The following SLC35F1 variants were observed in gnomAD, a reference collection of about 807,000 sequenced individuals.
The protein encoded by SLC35F1 is chromosome 6 open reading frame 169.
SLC35F1 carries 14 observed loss-of-function variants against 48.7 expected under a neutral mutation model. The observed-to-expected ratio is 0.29, with a 90% CI of 0.19 to 0.45. The LOEUF is 0.45. SLC35F1 is among the 20% of genes least tolerant of loss of function. The probability of loss-of-function intolerance (pLI) is 1.00; values close to 1 mark genes in which losing one functional copy is unlikely to be tolerated. For synonymous variants in SLC35F1, 190 were observed against 202.2 expected, an observed-to-expected ratio of 0.94 and a Z score of 0.51; for missense variants, 404 against 500.0, an observed-to-expected ratio of 0.81 and a Z score of 1.83.
chr6:118,242,588 T>G (rs1775454945), intron 3 of SLC35F1, among the ~76,000 whole-genome samples: 1 of 152,220 alleles, frequency 6.6e-6, no homozygotes, highest in African/African-American at 2.4e-5. Flanking sequence ...GAATAGATTG[T>G]GCTGTGACTT....
At chr6:117,913,865 A>C (rs1273572015) in intron 1 of SLC35F1, among the ~76,000 whole-genome samples, 3 of 152,178 alleles carry the variant, frequency 2.0e-5, no homozygotes, top group Non-Finnish European at 4.4e-5. Context: ...AACCTGGCCA[A>C]CATGGCGAAA....
intron 2 of SLC35F1, among the ~76,000 whole-genome samples, chr6:118,206,711 T>C (rs1774939730): frequency 6.6e-6 from 1 of 152,138 alleles, no homozygotes. Flanking sequence ...AGGTGGGACA[T>C]TGCCACCTTT....
intron 2 of SLC35F1, among the ~76,000 whole-genome samples, chr6:118,155,675 G>A (rs1774129805): frequency 6.6e-6 from 1 of 152,114 alleles, no homozygotes; most frequent in African/African-American, 2.4e-5. Flanking sequence ...GTTAGCACAA[G>A]GTGTAAGCAC....
intron 2 of SLC35F1, among the ~76,000 whole-genome samples, chr6:118,205,899 C>T (rs1461977980): frequency 6.6e-6 from 1 of 152,132 alleles, no homozygotes; most frequent in East Asian, 1.9e-4. Flanking sequence ...GACCAATATC[C>T]TGTGATTCCA....
chr6:117,957,976 G>C lies in SLC35F1; in HGVS notation c.173+50077G>C, dbSNP rs551141630. On this transcript the variant is annotated intron_variant, in intron 1 of 7. Transcript: ENST00000360388. ...TCCTTCAGGAGGTGTTCCGAAAGAA[G>C]GCATTGTTATCATAGGAGATGACAG... Among the ~76,000 whole-genome samples the C allele has an allele frequency of 6.6e-5, 10 of 152,270 alleles. No individual in the cohort carries two copies. The East Asian group carries it at 1.9e-3, about 29-fold the overall frequency.
At chr6:118,304,889 A>C (rs1257069969) in intron 7 of SLC35F1, among the ~76,000 whole-genome samples, 1 of 150,978 alleles carries the variant, frequency 6.6e-6, no homozygotes, top group Non-Finnish European at 1.5e-5. Context: ...TCTAGAGCTC[A>C]TATCATGAAA....
intron 1 of SLC35F1, among the ~76,000 whole-genome samples, chr6:118,024,670 G>C (rs957856378): frequency 1.3e-5 from 2 of 151,910 alleles, no homozygotes; most frequent in Non-Finnish European, 2.9e-5. Flanking sequence ...TTTCCTTTTT[G>C]TGAACCCAAA....
chr6:118,042,830 A>T (rs1240310941), intron 1 of SLC35F1, among the ~76,000 whole-genome samples: 2 of 152,162 alleles, frequency 1.3e-5, no homozygotes, highest in Admixed American at 1.3e-4. Context: ...TTGAATGTGG[A>T]ACATATGGGA....
intron 1 of SLC35F1, among the ~76,000 whole-genome samples, chr6:117,957,030 G>A (rs980186280): frequency 7.9e-5 from 12 of 152,166 alleles, no homozygotes; most frequent in African/African-American, 2.9e-4. Flanking sequence ...GGCCCTGGGA[G>A]GGTGCTTTTT....
chr6:118,192,951 A>G (rs983425193), intron 2 of SLC35F1, among the ~76,000 whole-genome samples: 1 of 152,190 alleles, frequency 6.6e-6, no homozygotes, highest in Non-Finnish European at 1.5e-5. Flanking sequence ...AGGTTGCCAT[A>G]AGTCATTCAT....
At chr6:118,142,834 T>C (rs1045265009) in intron 1 of SLC35F1, among the ~76,000 whole-genome samples, 2 of 152,186 alleles carry the variant, frequency 1.3e-5, no homozygotes, top group Admixed American at 1.3e-4. Flanking sequence ...AGTCATCTTT[T>C]GATGCAAAGA....
At chr6:118,126,165 G>A (rs1040462847) in intron 1 of SLC35F1, among the ~76,000 whole-genome samples, 18 of 152,248 alleles carry the variant, frequency 1.2e-4, no homozygotes, top group African/African-American at 4.3e-4. Flanking sequence ...GACTTTCCTG[G>A]ACCTAGTGTC....
chr6:117,920,088 C>T (rs1291288164), intron 1 of SLC35F1, among the ~76,000 whole-genome samples: 1 of 152,200 alleles, frequency 6.6e-6, no homozygotes, highest in Non-Finnish European at 1.5e-5. Flanking sequence ...GCCGGGTTCC[C>T]GGGGCTGGCT....
In SLC35F1 at chr6:118,251,625, T is replaced by A. The variant is rs528301820; in HGVS notation, c.478-15370T>A. 1.4e-4 allele frequency among the ~76,000 whole-genome samples: 21 copies of A among 152,258 alleles called. No homozygotes were observed. The South Asian group carries it at 4.4e-3, about 32-fold the overall frequency. ...TGATGAGATTTGTAATTTAGCAAGA[T>A]CCCTTGCATGATCTGATCTTTTTTC... On this transcript the variant is annotated intron_variant, in intron 3 of 7. Coordinates refer to ENST00000360388, the MANE Select transcript of SLC35F1 (RefSeq NM_001029858.4).
intron 1 of SLC35F1, among the ~76,000 whole-genome samples, chr6:118,016,043 C>T (rs1777316430): frequency 6.6e-6 from 1 of 152,206 alleles, no homozygotes; most frequent in Admixed American, 6.5e-5. Flanking sequence ...CAAACTCTAT[C>T]AAATTTGAAT....
chr6:118,212,019 G>A (rs535244338), intron 2 of SLC35F1, among the ~76,000 whole-genome samples: 10 of 152,162 alleles, frequency 6.6e-5, no homozygotes, highest in African/African-American at 2.4e-4. Flanking sequence ...TTTAGCTACA[G>A]TATTCTTATT....
chr6:118,105,588 A>AT (rs1183572645), intron 1 of SLC35F1, among the ~76,000 whole-genome samples: 1 of 152,158 alleles, frequency 6.6e-6, no homozygotes, highest in African/African-American at 2.4e-5. Context: ...TTGCCCAGGC[A>AT]TTTTTTAATA....
chr6:118,288,727 A>T (rs1303622570), intron 7 of SLC35F1, among the ~76,000 whole-genome samples: 1 of 152,148 alleles, frequency 6.6e-6, no homozygotes, highest in Non-Finnish European at 1.5e-5. Flanking sequence ...CCTTCCCATC[A>T]TGCCCTGAAC....
At chr6:118,062,008 A>G (rs536728177) in intron 1 of SLC35F1, among the ~76,000 whole-genome samples, 1 of 152,206 alleles carries the variant, frequency 6.6e-6, no homozygotes, top group South Asian at 2.1e-4. Context: ...CTTAAACCAT[A>G]GTTGAGCTGT....
Sources: allele counts gnomAD v4.1 joint callset (sites outside exome capture counted in the v4.1 genomes callset), GRCh38; gene constraint gnomAD v4.1.1; transcripts MANE v1.5; gene names NCBI Gene and HGNC (gene_info 2026-07-23, HGNC 2026-07-21).